The following EZH1 variants were observed in gnomAD, a reference collection of about 807,000 sequenced individuals.
EZH1 encodes the protein enhancer of zeste 1 polycomb repressive complex 2 subunit.
A neutral mutation model predicts 100.5 loss-of-function variants in EZH1; 33 were observed. That is an observed-to-expected ratio of 0.33 (90% confidence interval 0.25 to 0.44). The LOEUF (loss-of-function observed/expected upper bound fraction) is 0.44. EZH1 is among the 20% of genes least tolerant of loss of function. The pLI is 1.00. For synonymous variants in EZH1, 272 were observed against 313.8 expected (o/e 0.87, Z 1.41); for missense variants, 475 against 928.4 (o/e 0.51, Z 6.35).
intron 16 of EZH1, 27 bp downstream of exon 16, chr17:42,705,980 G>C: frequency 6.3e-7 from 1 of 1,585,836 alleles, no homozygotes; most frequent in African/African-American, 1.3e-5. Flanking sequence ...ATTTTATGTG[G>C]TGTGGGGTCC....
chr17:42,708,857 A>C lies in EZH1; in HGVS notation c.1534+19T>G, dbSNP rs1416662160. 6.2e-7 allele frequency: 1 copy of C among 1,614,042 alleles called. No individual in the cohort carries two copies. The highest frequency in any genetic ancestry group is 1.1e-5 in the South Asian group (1 of 91,078). The stretch of plus-strand genomic sequence containing the variant: ...AGGCCTCCAGCTGAACTGCTGAAGA[A>C]TGCCCTGGTAGAACTTACCTTTCTT... On this transcript the variant is annotated intron_variant, in intron 14 of 20. Transcript: ENST00000428826.
intron 1 of EZH1, among the ~76,000 whole-genome samples, chr17:42,744,084 G>C (rs576649644): frequency 9.9e-5 from 15 of 152,210 alleles, no homozygotes; most frequent in Non-Finnish European, 2.1e-4. Flanking sequence ...CCAAGCGTCA[G>C]GTTCCTATCG....
intron 10 of EZH1, 76 bp downstream of exon 10, chr17:42,717,900 G>T: frequency 7.7e-7 from 1 of 1,290,630 alleles, no homozygotes; most frequent in Non-Finnish European, 1.1e-6. Context: ...ATGACCCCCA[G>T]AGTGCTGTGT....
Position 42,718,299 on chromosome 17 carries a change from G to T in EZH1, c.931+155C>A. 9.8e-7 allele frequency: 1 copy of T among 1,017,168 alleles called. No homozygotes were observed. Among genetic ancestry groups the T allele is most frequent in the Non-Finnish European group, 1.4e-6 (1 of 706,612 alleles). The allele number at this position is 1,017,168 out of a possible 1,614,324, so 63.0% of individuals were successfully genotyped here. On this transcript the variant is annotated intron_variant, in intron 9 of 20. Transcript: ENST00000428826. The surrounding 1 kb of genome is among the most constrained non-coding windows in gnomAD (Gnocchi z 4.2). ...CTGTCCCTATCATGCAAAGCATGTT[G>T]CACTATAATTGAGCAAGGGAAAATA...
intron 1 of EZH1, among the ~76,000 whole-genome samples, chr17:42,732,215 A>T (rs940140927): frequency 1.3e-5 from 2 of 152,084 alleles, no homozygotes; most frequent in Non-Finnish European, 2.9e-5. Flanking sequence ...TAATTCCAAC[A>T]CTTTGGGAAG....
In EZH1 at chr17:42,706,521, C is replaced by CA. The variant is rs1212104584; in HGVS notation, c.1661-337dup. On this transcript the variant is annotated intron_variant, in intron 15 of 20. Transcript: ENST00000428826. The surrounding 1 kb of genome is among the most constrained non-coding windows in gnomAD (Gnocchi z 4.4). Reference sequence around the variant, plus strand: ...GCAACATAGGGAGATCCTGTCTCCACAAAAAAATTAAAAAAAAAAATAGCC... The same window carrying CA: ...GCAACATAGGGAGATCCTGTCTCCACAAAAAAAATTAAAAAAAAAAATAGCC... Among the ~76,000 whole-genome samples the CA allele has an allele frequency of 1.3e-5, 2 of 150,042 alleles. No individual in the cohort carries two copies. Among genetic ancestry groups the CA allele is most frequent in the East Asian group, 2.0e-4 (1 of 5,126 alleles).
In EZH1 at chr17:42,741,682, T is replaced by A. The variant is rs148580802; in HGVS notation, c.-103+3329A>T. On this transcript the variant is annotated intron_variant, in intron 1 of 20. Coordinates refer to ENST00000428826, the MANE Select transcript of EZH1 (RefSeq NM_001991.5). ...ATTAAAAATAGACAAAATTAATATT[T>A]TGAATCGGTTTCTTATTTTGTTTTG... is the stretch of plus-strand genomic sequence containing the variant. Among the ~76,000 whole-genome samples the A allele has an allele frequency of 3.4e-3, 520 of 152,266 alleles. 3 individuals are homozygous for A. Among genetic ancestry groups the A allele is most frequent in the African/African-American group, 0.011 (468 of 41,564 alleles).
chr17:42,721,164 A>C (rs1378728145), intron 6 of EZH1, among the ~76,000 whole-genome samples: 1 of 152,230 alleles, frequency 6.6e-6, no homozygotes, highest in African/African-American at 2.4e-5. Context: ...TACTTTATGG[A>C]GATGTACTAC....
intron 1 of EZH1, among the ~76,000 whole-genome samples, chr17:42,738,947 G>A (rs1412181441): frequency 8.6e-5 from 13 of 150,798 alleles, no homozygotes; most frequent in African/African-American, 7.3e-5. Flanking sequence ...TAGTAGAGGC[G>A]GGGTTTCACC....
chr17:42,728,269 AC>A (rs2053864784), intron 3 of EZH1, among the ~76,000 whole-genome samples: 1 of 149,708 alleles, frequency 6.7e-6, no homozygotes, highest in African/African-American at 2.5e-5. Flanking sequence ...ATATGACACC[AC>A]GCCCGGCTAA....
At chr17:42,742,446 A>G (rs987531416) in intron 1 of EZH1, among the ~76,000 whole-genome samples, 4 of 152,086 alleles carry the variant, frequency 2.6e-5, no homozygotes, top group African/African-American at 9.7e-5. Flanking sequence ...CCCAGCCTCT[A>G]GTGCTGTTTC....
chr17:42,710,450 C>T (rs1237172515), intron 12 of EZH1, among the ~76,000 whole-genome samples: 2 of 152,050 alleles, frequency 1.3e-5, no homozygotes, highest in East Asian at 3.9e-4. Context: ...TTTGTTGGGG[C>T]TATTGGCCCT....
chr17:42,730,366 A>C (rs1303194794), intron 2 of EZH1, among the ~76,000 whole-genome samples: 1 of 152,152 alleles, frequency 6.6e-6, no homozygotes, highest in African/African-American at 2.4e-5. Flanking sequence ...TAAAAGTAGG[A>C]TATGACAGCA....
At position 42,705,072 on chromosome 17, in the gene EZH1, A is replaced by C; in HGVS notation, c.1935+16T>G. On this transcript the variant is annotated intron_variant, in intron 17 of 20. Coordinates refer to ENST00000428826, the MANE Select transcript of EZH1 (RefSeq NM_001991.5). ...CTCCCCCGAGTAAGAATGTGGGCCAAAACTATAGCACTCACCTCACCACAG... is the reference window on the plus strand; with the variant it reads ...CTCCCCCGAGTAAGAATGTGGGCCACAACTATAGCACTCACCTCACCACAG... The C allele has an allele frequency of 1.2e-6, 2 of 1,607,124 alleles. No homozygotes were observed. Among genetic ancestry groups the C allele is most frequent in the Non-Finnish European group, 1.7e-6 (2 of 1,174,248 alleles).
chr17:42,712,528 C>A, intron 11 of EZH1, 43 bp from the exon 12 acceptor site: 2 of 1,548,418 alleles, frequency 1.3e-6, no homozygotes, highest in South Asian at 2.3e-5. Context: ...AGGTAGAATG[C>A]AGTTGTCATC....
intron 1 of EZH1, among the ~76,000 whole-genome samples, chr17:42,736,072 A>G (rs2054059702): frequency 6.6e-6 from 1 of 152,234 alleles, no homozygotes; most frequent in Admixed American, 6.5e-5. Context: ...GCTCCATATC[A>G]TTAGTCATTA....
At chr17:42,720,228 T>A in intron 7 of EZH1, 45 bp downstream of exon 7, 1 of 1,573,274 alleles carries the variant, frequency 6.4e-7, no homozygotes, top group Non-Finnish European at 8.6e-7. Flanking sequence ...TTCTTCCCTA[T>A]CCCTGTCACT....
chr17:42,712,728 C>T (rs750850812), intron 11 of EZH1, among the ~76,000 whole-genome samples: 28 of 151,424 alleles, frequency 1.8e-4, no homozygotes, highest in Non-Finnish European at 3.4e-4. Context: ...CATGGCGAAA[C>T]CCTGTCTCTA....
intron 10 of EZH1, among the ~76,000 whole-genome samples, chr17:42,715,223 A>G (rs943955115): frequency 1.4e-5 from 2 of 143,304 alleles, no homozygotes; most frequent in Non-Finnish European, 3.0e-5. Flanking sequence ...TATATTATAG[A>G]TTATATGTAT....
Sources: gnomAD v4.1 joint callset for allele counts (sites outside exome capture counted in the v4.1 genomes callset) on GRCh38, gnomAD v4.1.1 for gene constraint, Gnocchi (gnomAD v3.1) non-coding constraint, MANE v1.5 for transcripts, NCBI Gene and HGNC (gene_info 2026-07-23, HGNC 2026-07-21) for gene names.